MCTP1: variants seen among roughly 807,000 people sequenced by gnomAD.
The protein encoded by MCTP1 is multiple C2 and transmembrane domain-containing protein 1.
A neutral mutation model predicts 120.6 loss-of-function variants in MCTP1; 69 were observed. That is an observed-to-expected ratio of 0.57 (90% CI 0.47 to 0.70). The LOEUF (loss-of-function observed/expected upper bound fraction) is 0.70. Among genes scored for constraint, MCTP1 ranks in the 30% least tolerant of loss-of-function variants. The probability of loss-of-function intolerance (pLI) is 0.00; values close to 1 mark genes in which losing one functional copy is unlikely to be tolerated. For synonymous variants in MCTP1, 529 were observed against 493.1 expected (o/e 1.07, Z -0.96); for missense variants, 1,203 against 1,248.8 (o/e 0.96, Z 0.55).
At chr5:94,759,854 C>CT (rs35068449) in intron 19 of MCTP1, among the ~76,000 whole-genome samples, 18,551 of 99,840 alleles carry the variant, frequency 0.19, 1,499 homozygotes, top group East Asian at 0.33. Context: ...TGCAAAATGT[C>CT]TTTTTTTGTT....
intron 3 of MCTP1, among the ~76,000 whole-genome samples, chr5:94,951,008 T>C (rs74293142): frequency 0.088 from 13,300 of 151,794 alleles, 770 homozygotes; most frequent in South Asian, 0.2. Context: ...TTGTGTTACA[T>C]GTGTAGATTG....
intron 1 of MCTP1, among the ~76,000 whole-genome samples, chr5:95,148,690 T>TATA (rs1023206548): frequency 2.6e-5 from 4 of 152,218 alleles, no homozygotes; most frequent in African/African-American, 9.6e-5. Flanking sequence ...ATTCTATAAC[T>TATA]ATAATGTGGT....
At chr5:94,973,119 AG>A in intron 2 of MCTP1, among the ~76,000 whole-genome samples, 1 of 152,312 alleles carries the variant, frequency 6.6e-6, no homozygotes, top group East Asian at 1.9e-4. Flanking sequence ...TAGTATTCTC[AG>A]TATTTTACAG....
At chr5:94,748,595 C>A (rs573144892) in intron 19 of MCTP1, among the ~76,000 whole-genome samples, 1 of 152,274 alleles carries the variant, frequency 6.6e-6, no homozygotes, top group African/African-American at 2.4e-5. Context: ...AGTTTTTATT[C>A]TCTGATCTTT....
intron 1 of MCTP1, among the ~76,000 whole-genome samples, chr5:95,072,671 C>A (rs1260229987): frequency 6.7e-6 from 1 of 149,842 alleles, no homozygotes; most frequent in South Asian, 2.1e-4. Flanking sequence ...CTCAAAGTCA[C>A]AATATATGTT....
intron 19 of MCTP1, among the ~76,000 whole-genome samples, chr5:94,754,632 G>T (rs187781794): frequency 1.3e-5 from 2 of 152,278 alleles, no homozygotes; most frequent in Admixed American, 6.5e-5. Flanking sequence ...TTACTAAACA[G>T]TCCGATCAGT....
chr5:94,987,844 T>C (rs1301818782), intron 2 of MCTP1, among the ~76,000 whole-genome samples: 3 of 152,190 alleles, frequency 2.0e-5, no homozygotes, highest in Non-Finnish European at 2.9e-5. Flanking sequence ...CTAAATAAAT[T>C]ATCATTTGGA....
intron 19 of MCTP1, among the ~76,000 whole-genome samples, chr5:94,748,582 G>T (rs116789599): frequency 0.01 from 1,586 of 152,298 alleles, 33 homozygotes; most frequent in African/African-American, 0.036. Flanking sequence ...TTTCTGTGGG[G>T]CAAGTTTTTA....
At chr5:94,917,156 T>C (rs159349) in intron 8 of MCTP1, among the ~76,000 whole-genome samples, 40,709 of 152,122 alleles carry the variant, frequency 0.27, 5,695 homozygotes, top group Middle Eastern at 0.35. Context: ...ACATATTTAT[T>C]GAAGTGTTGC....
At chr5:95,074,301 G>C (rs76863377) in intron 1 of MCTP1, among the ~76,000 whole-genome samples, 1 of 152,330 alleles carries the variant, frequency 6.6e-6, no homozygotes, top group East Asian at 1.9e-4. Context: ...CCATCCACTT[G>C]AAGGTGTAGA....
At chr5:95,210,654 G>A (rs1207797590) in intron 1 of MCTP1, among the ~76,000 whole-genome samples, 27 of 151,078 alleles carry the variant, frequency 1.8e-4, no homozygotes, top group Non-Finnish European at 3.2e-4. Context: ...TCTTTTAATT[G>A]GAGCATTTAG....
At chr5:95,233,907 AAC>A (rs1311559307) in intron 1 of MCTP1, among the ~76,000 whole-genome samples, 1 of 152,142 alleles carries the variant, frequency 6.6e-6, no homozygotes, top group African/African-American at 2.4e-5. Context: ...GGAAATTAAT[AAC>A]ACAGAAAACT....
chr5:94,963,081 C>T (rs1445666308), intron 2 of MCTP1, among the ~76,000 whole-genome samples: 2 of 152,048 alleles, frequency 1.3e-5, no homozygotes, highest in African/African-American at 2.4e-5. Flanking sequence ...GGACAGAATG[C>T]TTGTGACTCA....
At chr5:95,055,009 G>A (rs529697286) in intron 1 of MCTP1, among the ~76,000 whole-genome samples, 18 of 152,102 alleles carry the variant, frequency 1.2e-4, no homozygotes, top group Non-Finnish European at 1.5e-4. Context: ...ACATGGTTTC[G>A]CTATGTTGGC....
chr5:94,750,733 C>T (rs901132741), intron 19 of MCTP1, among the ~76,000 whole-genome samples: 18 of 152,138 alleles, frequency 1.2e-4, no homozygotes, highest in African/African-American at 3.6e-4. Context: ...GTCTTAAGCC[C>T]CCAAGACTTG....
chr5:94,984,108 C>T (rs1401688088), intron 2 of MCTP1, among the ~76,000 whole-genome samples: 3 of 152,176 alleles, frequency 2.0e-5, no homozygotes, highest in Non-Finnish European at 1.5e-5. Flanking sequence ...AGTAATTCCT[C>T]TTCTATGAAG....
chr5:95,154,751 G>A (rs895517303), intron 1 of MCTP1, among the ~76,000 whole-genome samples: 7 of 151,752 alleles, frequency 4.6e-5, no homozygotes, highest in Non-Finnish European at 1.0e-4. Flanking sequence ...CTAGACTATC[G>A]AAAAATAATT....
intron 1 of MCTP1, among the ~76,000 whole-genome samples, chr5:95,239,460 T>A (rs1672508456): frequency 6.6e-6 from 1 of 152,202 alleles, no homozygotes; most frequent in Admixed American, 6.5e-5. Context: ...TAATTAAAGA[T>A]GTTGCCACCA....
chr5:94,752,936 G>A (rs1325972383), intron 19 of MCTP1, among the ~76,000 whole-genome samples: 1 of 152,186 alleles, frequency 6.6e-6, no homozygotes, highest in Non-Finnish European at 1.5e-5. Flanking sequence ...TTGGGATTTA[G>A]GCCACTAACA....
Sources: gnomAD v4.1 joint callset for allele counts (sites outside exome capture counted in the v4.1 genomes callset) on GRCh38, gnomAD v4.1.1 for gene constraint, MANE v1.5 for transcripts, NCBI Gene and HGNC (gene_info 2026-07-23, HGNC 2026-07-21) for gene names.